The following WDFY4 variants were observed in gnomAD, a reference collection of about 807,000 sequenced individuals.
The protein encoded by WDFY4 is WDFY family member 4, also known as WD repeat- and FYVE domain-containing protein 4.
WDFY4 carries 169 observed loss-of-function variants against 351.9 expected under a neutral mutation model. The ratio of observed to expected loss-of-function variants is 0.48; its 90% CI spans 0.42 to 0.55. The LOEUF (loss-of-function observed/expected upper bound fraction) is 0.55, where lower values mean the gene tolerates loss of function less well. Among genes scored for constraint, WDFY4 ranks in the 20% least tolerant of loss-of-function variants. The pLI is 0.00. For synonymous variants in WDFY4, 1,622 were observed against 1,574.6 expected, an observed-to-expected ratio of 1.03 and a Z score of -0.71; for missense variants, 3,803 against 3,935.6, an observed-to-expected ratio of 0.97 and a Z score of 0.90.
chr10:48,920,840 C>A (rs984555093), intron 47 of WDFY4, among the ~76,000 whole-genome samples: 30 of 152,198 alleles, frequency 2.0e-4, no homozygotes, highest in African/African-American at 6.8e-4. Flanking sequence ...ACACAAAACA[C>A]CCATTGCATT....
intron 43 of WDFY4, among the ~76,000 whole-genome samples, chr10:48,885,412 C>G (rs565097787): frequency 2.6e-5 from 4 of 152,230 alleles, no homozygotes; most frequent in Non-Finnish European, 5.9e-5. Flanking sequence ...GAGCATTGTG[C>G]TTTGAACAGT....
chr10:48,835,888 T>G (rs1265152710), intron 39 of WDFY4, among the ~76,000 whole-genome samples: 2 of 152,262 alleles, frequency 1.3e-5, no homozygotes, highest in Non-Finnish European at 2.9e-5. Context: ...CATCTTTGCT[T>G]AGCAACATCT....
chr10:48,932,948 G>C (rs1840112557), intron 47 of WDFY4, among the ~76,000 whole-genome samples: 2 of 152,144 alleles, frequency 1.3e-5, no homozygotes, highest in Non-Finnish European at 2.9e-5. Flanking sequence ...GCTGAGCAAG[G>C]GCAGTGCAAG....
At chr10:48,823,165 AC>A (rs1251720904) in intron 35 of WDFY4, 2 of 1,284,306 alleles carry the variant, frequency 1.6e-6, no homozygotes, top group South Asian at 1.2e-5. Flanking sequence ...ATTGAAAGAG[AC>A]CTTTTTTTTT....
intron 13 of WDFY4, among the ~76,000 whole-genome samples, chr10:48,763,353 G>T (rs1376760608): frequency 6.6e-6 from 1 of 152,256 alleles, no homozygotes; most frequent in African/African-American, 2.4e-5. Flanking sequence ...CTCACAGACT[G>T]CAGGGTCATG....
At chr10:48,724,201 G>A (rs572242623) in intron 5 of WDFY4, among the ~76,000 whole-genome samples, 2 of 152,114 alleles carry the variant, frequency 1.3e-5, no homozygotes, top group African/African-American at 4.8e-5. Context: ...ATGGAGGATC[G>A]TGTGGCCCGG....
chr10:48,977,330 C>A (rs1366576216), intron 59 of WDFY4, among the ~76,000 whole-genome samples: 1 of 152,148 alleles, frequency 6.6e-6, no homozygotes, highest in Non-Finnish European at 1.5e-5. Flanking sequence ...CTTGCCCACC[C>A]ATCCACTAAT....
rs1346131139 is a variant in WDFY4 at position 48,946,903 on chromosome 10, G to A, written c.7911G>A (p.Ser2637=). The change falls in exon 51 of 62, where the codon TCG becomes TCA. Residue 2637 remains serine, a synonymous_variant. Coordinates refer to ENST00000325239, the MANE Select transcript of WDFY4 (RefSeq NM_001394531.1). Reference sequence around the variant, plus strand: ...GCCACTACTACACCCACTACTCCTCGGCCATCATCGTGGCCTCCTACCTGG... The same window carrying A: ...GCCACTACTACACCCACTACTCCTCAGCCATCATCGTGGCCTCCTACCTGG... ...VQCHYYTHYS[S]AIIVASYLVR... 18 of 1,551,640 alleles carry A rather than the reference G, an allele frequency of 1.2e-5. No homozygotes were observed. In the East Asian group the frequency reaches 2.4e-4, roughly 21 times the overall value.
At chr10:48,788,118 C>A (rs944503492) in intron 20 of WDFY4, among the ~76,000 whole-genome samples, 3 of 151,686 alleles carry the variant, frequency 2.0e-5, no homozygotes, top group Admixed American at 2.0e-4. Flanking sequence ...ACCTCTGCCT[C>A]CCCGGTTCAA....
intron 1 of WDFY4, among the ~76,000 whole-genome samples, chr10:48,699,581 C>T (rs1403316777): frequency 6.6e-6 from 1 of 152,182 alleles, no homozygotes; most frequent in Non-Finnish European, 1.5e-5. Context: ...CTCCTGCTCC[C>T]AGCCTCAGTT....
intron 60 of WDFY4, among the ~76,000 whole-genome samples, chr10:48,980,783 T>C (rs1028649338): frequency 1.3e-5 from 2 of 152,162 alleles, no homozygotes; most frequent in Non-Finnish European, 2.9e-5. Context: ...CGCAGGGACG[T>C]ACCCAGCTGG....
Position 48,786,622 on chromosome 10 carries a change from C to T in WDFY4, c.3577-17C>T. The stretch of plus-strand genomic sequence containing the variant: ...GAGATCAAACACTACTCACTCTTGT[C>T]CTTTTTATTTTAACAGATGTTATAC... On this transcript the variant is annotated splice_polypyrimidine_tract_variant and intron_variant, in intron 19 of 61. Coordinates refer to ENST00000325239, the MANE Select transcript of WDFY4 (RefSeq NM_001394531.1). 1 of 1,542,098 alleles carries T rather than the reference C, an allele frequency of 6.5e-7. No homozygotes were observed. Among genetic ancestry groups the T allele is most frequent in the Non-Finnish European group, 8.8e-7 (1 of 1,140,980 alleles).
chr10:48,743,750 T>C (rs1038113843), intron 12 of WDFY4, among the ~76,000 whole-genome samples: 1 of 152,050 alleles, frequency 6.6e-6, no homozygotes, highest in Non-Finnish European at 1.5e-5. Flanking sequence ...TCAATCTGAG[T>C]CAGTACTGGG....
At chr10:48,772,327 T>C (rs1026836330) in intron 13 of WDFY4, among the ~76,000 whole-genome samples, 9 of 152,034 alleles carry the variant, frequency 5.9e-5, no homozygotes, top group African/African-American at 2.2e-4. Context: ...GGAGTATGTG[T>C]GTGTGTGCAC....
chr10:48,937,423 C>A (rs771186832), intron 47 of WDFY4, among the ~76,000 whole-genome samples: 26 of 152,318 alleles, frequency 1.7e-4, no homozygotes, highest in African/African-American at 2.2e-4. Context: ...CTGGCAGGTG[C>A]TCTGAACAGT....
At chr10:48,805,459 C>T (rs2067222323) in intron 26 of WDFY4, 38 bp downstream of exon 26, 1 of 1,538,850 alleles carries the variant, frequency 6.5e-7, no homozygotes, top group Non-Finnish European at 8.7e-7. Flanking sequence ...GAGCAGGGCC[C>T]CAGGGCTGTT....
At chr10:48,969,394 C>G (rs1360930062) in intron 56 of WDFY4, 146 bp downstream of exon 56, 18 of 1,049,158 alleles carry the variant, frequency 1.7e-5, no homozygotes, top group Admixed American at 7.8e-5. Flanking sequence ...CGGGAAAGGA[C>G]TCAGTGACCA....
chr10:48,916,386 G>C (rs530865403), intron 47 of WDFY4, among the ~76,000 whole-genome samples: 1 of 152,304 alleles, frequency 6.6e-6, no homozygotes, highest in South Asian at 2.1e-4. Context: ...TTGTTTGTTT[G>C]TTTGCTTGCT....
intron 20 of WDFY4, among the ~76,000 whole-genome samples, chr10:48,787,882 CTTCTTCTTCTCCTTCTTCTTCTTCTT>C (rs2066486077): frequency 2.3e-5 from 2 of 85,162 alleles, no homozygotes; most frequent in African/African-American, 8.7e-5. Flanking sequence ...TTCTTTCTTT[CTTCTTCTTCTCCTTCTTCTTCTTCTT>C]CTTCTTCTTC....
Sources: gnomAD v4.1 joint callset for allele counts (sites outside exome capture counted in the v4.1 genomes callset) on GRCh38, gnomAD v4.1.1 for gene constraint, MANE v1.5 for transcripts, NCBI Gene and HGNC (gene_info 2026-07-23, HGNC 2026-07-21) for gene names.